The following PHACTR1 variants were observed in gnomAD, a reference collection of about 807,000 sequenced individuals.
PHACTR1 encodes the protein phosphatase and actin regulator 1, also known as RPEL repeat containing 1.
Under a neutral mutation model 69.2 loss-of-function variants are expected in PHACTR1, and 16 were observed. The ratio of observed to expected loss-of-function variants is 0.23; its 90% CI spans 0.16 to 0.35. The LOEUF (loss-of-function observed/expected upper bound fraction) is 0.35. PHACTR1 is among the 10% of genes least tolerant of loss of function. PHACTR1 has a pLI of 1.00. For missense variants in PHACTR1, 510 were observed against 734.7 expected (o/e 0.69, Z 3.54); for synonymous variants, 312 against 284.5 (o/e 1.10, Z -0.97).
chr6:12,952,094 G>C (rs1246012127), intron 4 of PHACTR1, among the ~76,000 whole-genome samples: 3 of 152,288 alleles, frequency 2.0e-5, no homozygotes, highest in Admixed American at 6.5e-5. Flanking sequence ...ATGTGCTTTA[G>C]AGCAGTTTTA....
intron 4 of PHACTR1, among the ~76,000 whole-genome samples, chr6:12,900,824 G>T (rs1475925678): frequency 1.3e-5 from 2 of 152,142 alleles, no homozygotes. Context: ...TCTTGTGTGT[G>T]TGTTTTCGTT....
intron 4 of PHACTR1, among the ~76,000 whole-genome samples, chr6:12,868,305 C>A (rs1781674321): frequency 6.6e-6 from 1 of 150,548 alleles, no homozygotes; most frequent in South Asian, 2.1e-4. Context: ...GTGCACATGT[C>A]AACCCTTCTA....
intron 4 of PHACTR1, among the ~76,000 whole-genome samples, chr6:12,930,687 G>A (rs1441065589): frequency 6.6e-6 from 1 of 152,104 alleles, no homozygotes; most frequent in African/African-American, 2.4e-5. Context: ...GGGTGTATGG[G>A]TACCATGAAT....
chr6:13,085,385 A>G (rs1812106904), intron 5 of PHACTR1, among the ~76,000 whole-genome samples: 2 of 152,138 alleles, frequency 1.3e-5, no homozygotes, highest in African/African-American at 2.4e-5. Flanking sequence ...TACTTTAAAC[A>G]TAAGGATAGA....
At chr6:12,865,714 C>G (rs531568976) in intron 4 of PHACTR1, among the ~76,000 whole-genome samples, 1 of 152,314 alleles carries the variant, frequency 6.6e-6, no homozygotes, top group East Asian at 1.9e-4. Context: ...GTTTGAATTT[C>G]TTGATGTTCC....
rs114610040 is a variant in PHACTR1 at position 12,975,725 on chromosome 6, G to A, written c.251-77640G>A. On this transcript the variant is annotated intron_variant, in intron 4 of 14. Coordinates refer to ENST00000332995, the MANE Select transcript of PHACTR1 (RefSeq NM_030948.6). ...GCCTCCTGAGTAGCTGGGACTATAA[G>A]AACACACCAAAATGCCTGGCTATTT... Among the ~76,000 whole-genome samples, 597 of 152,276 alleles carry A rather than the reference G, an allele frequency of 3.9e-3. 6 individuals are homozygous for A. Among genetic ancestry groups the A allele is most frequent in the African/African-American group, 0.014 (566 of 41,544 alleles).
At chr6:13,003,950 CCT>C (rs1491518268) in intron 4 of PHACTR1, among the ~76,000 whole-genome samples, 2,766 of 81,346 alleles carry the variant, frequency 0.034, 420 homozygotes, top group African/African-American at 0.16. Flanking sequence ...CAGTAGTATT[CCT>C]ATATATATAT....
intron 4 of PHACTR1, among the ~76,000 whole-genome samples, chr6:12,811,335 A>G (rs1304613183): frequency 6.6e-6 from 1 of 152,266 alleles, no homozygotes; most frequent in Non-Finnish European, 1.5e-5. Flanking sequence ...AAACCATTAC[A>G]TAAAATGAAT....
intron 5 of PHACTR1, among the ~76,000 whole-genome samples, chr6:13,120,725 C>T (rs903349961): frequency 1.3e-5 from 2 of 152,200 alleles, no homozygotes; most frequent in East Asian, 3.8e-4. Flanking sequence ...TCTTCCCTGC[C>T]CCCACTTGTA....
At chr6:13,057,167 T>C (rs1311142441) in intron 5 of PHACTR1, among the ~76,000 whole-genome samples, 1 of 152,172 alleles carries the variant, frequency 6.6e-6, no homozygotes, top group African/African-American at 2.4e-5. Context: ...AAAGAAAAGA[T>C]AACTGTTTGA....
chr6:13,109,753 T>G (rs1816728979), intron 5 of PHACTR1, among the ~76,000 whole-genome samples: 1 of 152,074 alleles, frequency 6.6e-6, no homozygotes, highest in African/African-American at 2.4e-5. Context: ...TCTCCTTTTC[T>G]TTTGGAATGA....
chr6:13,201,395 G>A (rs1212422559), intron 7 of PHACTR1, among the ~76,000 whole-genome samples: 2 of 152,182 alleles, frequency 1.3e-5, no homozygotes, highest in East Asian at 1.9e-4. Flanking sequence ...CGTGGTTATC[G>A]GGAAATCCAG....
At chr6:13,282,021 C>A (rs1780380237) in intron 12 of PHACTR1, among the ~76,000 whole-genome samples, 1 of 152,252 alleles carries the variant, frequency 6.6e-6, no homozygotes, top group Non-Finnish European at 1.5e-5. Context: ...CTATTTGATA[C>A]CTGCCAGCCA....
chr6:12,788,939 G>A (rs1771885314), intron 4 of PHACTR1, among the ~76,000 whole-genome samples: 2 of 152,356 alleles, frequency 1.3e-5, no homozygotes, highest in South Asian at 4.1e-4. Flanking sequence ...GAAGGTAGGA[G>A]CTGAAGTAGA....
intron 4 of PHACTR1, among the ~76,000 whole-genome samples, chr6:12,818,741 G>GTCA (rs1223732547): frequency 6.6e-6 from 1 of 152,178 alleles, no homozygotes; most frequent in Non-Finnish European, 1.5e-5. Context: ...AGAATACAGA[G>GTCA]TCATCATCTG....
In PHACTR1 at chr6:12,976,635, C is replaced by T. The variant is rs914136462; in HGVS notation, c.251-76730C>T. Among the ~76,000 whole-genome samples, 3 of 152,230 alleles carry T rather than the reference C, an allele frequency of 2.0e-5. No individual in the cohort carries two copies. In the South Asian group the frequency reaches 6.2e-4, roughly 32 times the overall value. On this transcript the variant is annotated intron_variant, in intron 4 of 14. Transcript: ENST00000332995. ...TGGGAAATTCCAGAAATGAACAATT[C>T]GTAAGTTTTAAATTTCACTCCGTTC...
At chr6:13,016,410 T>C (rs1436082767) in intron 4 of PHACTR1, among the ~76,000 whole-genome samples, 1 of 152,246 alleles carries the variant, frequency 6.6e-6, no homozygotes, top group East Asian at 1.9e-4. Context: ...AAAGCCCTTC[T>C]AGAAATTTTA....
chr6:12,990,820 G>T (rs1796736392), intron 4 of PHACTR1, among the ~76,000 whole-genome samples: 1 of 152,202 alleles, frequency 6.6e-6, no homozygotes, highest in Non-Finnish European at 1.5e-5. Context: ...GAGCTGGAGA[G>T]GGGATGGTGT....
chr6:12,975,688 C>A (rs1328538505), intron 4 of PHACTR1, among the ~76,000 whole-genome samples: 1 of 152,128 alleles, frequency 6.6e-6, no homozygotes, highest in Admixed American at 6.5e-5. Flanking sequence ...CTCAAGCAAC[C>A]CTCCCACCCC....
Sources: allele counts gnomAD v4.1 joint callset (sites outside exome capture counted in the v4.1 genomes callset), GRCh38; gene constraint gnomAD v4.1.1; transcripts MANE v1.5; gene names NCBI Gene and HGNC (gene_info 2026-07-23, HGNC 2026-07-21).